Variants in RAP1B observed in about 807,000 individuals in gnomAD.
The protein encoded by RAP1B is ras-related protein Rap-1b.
RAP1B carries 1 observed loss-of-function variant against 27.5 expected under a neutral mutation model. The ratio of observed to expected loss-of-function variants is 0.04; its 90% CI spans 0.01 to 0.17. RAP1B has a LOEUF of 0.17. RAP1B is among the 10% of genes least tolerant of loss of function. The probability of loss-of-function intolerance (pLI) is 1.00; values close to 1 mark genes in which losing one functional copy is unlikely to be tolerated. For synonymous variants in RAP1B, 75 were observed against 73.1 expected (o/e 1.03, Z -0.13); for missense variants, 84 against 214.8 (o/e 0.39, Z 3.81).
intron 1 of RAP1B, chr12:68,643,016 G>A: frequency 1.3e-6 from 1 of 777,320 alleles, no homozygotes; most frequent in Non-Finnish European, 2.4e-6. Context: ...CACCGACCCT[G>A]GCTGCCCACG....
intron 2 of RAP1B, 82 bp downstream of exon 2, chr12:68,648,863 T>C (rs1051591025): frequency 3.1e-6 from 4 of 1,290,362 alleles, no homozygotes; most frequent in Admixed American, 2.6e-5. Flanking sequence ...TGATTTGTCT[T>C]TGTTAAGATA....
chr12:68,616,438 ATTTTTTTT>A (rs142174644), intron 1 of RAP1B, among the ~76,000 whole-genome samples: 2 of 89,450 alleles, frequency 2.2e-5, no homozygotes, highest in African/African-American at 1.0e-4. Flanking sequence ...TGCCTGGCTA[ATTTTTTTT>A]TTTTTTTTTT....
intron 1 of RAP1B, among the ~76,000 whole-genome samples, chr12:68,648,488 C>T (rs997120223): frequency 1.1e-4 from 17 of 152,150 alleles, no homozygotes; most frequent in African/African-American, 4.1e-4. Context: ...TGTGCTCTAT[C>T]CTGGATCGGG....
rs1165588245 is a variant in RAP1B, at chr12:68,662,566, T to C, written c.*3317T>C. On this transcript the variant is annotated 3_prime_UTR_variant, in exon 8 of 8. Transcript: ENST00000250559. ...AGAATCGAAACTCATCACTACAACTTTTCTTTGAGTTAAACTCTTATCTGT... is the reference window on the plus strand; with the variant it reads ...AGAATCGAAACTCATCACTACAACTCTTCTTTGAGTTAAACTCTTATCTGT... 2 of 152,134 alleles carry C rather than the reference T, an allele frequency of 1.3e-5. No individual in the cohort carries two copies. The highest frequency in any genetic ancestry group is 2.9e-5 in the Non-Finnish European group (2 of 68,026). The allele number at this position is 152,134 out of a possible 1,614,324, so 9.4% of individuals were successfully genotyped here. A position where few individuals can be genotyped will look rare whatever the true frequency, so the allele number is the denominator to read the frequency against.
At chr12:68,646,098 G>A (rs774331895) in intron 1 of RAP1B, among the ~76,000 whole-genome samples, 79 of 152,196 alleles carry the variant, frequency 5.2e-4, no homozygotes, top group Non-Finnish European at 8.8e-4. Flanking sequence ...ACTAAGAAGT[G>A]TAGCTCCCAC....
At chr12:68,659,257 AT>A (rs1353768113) in intron 7 of RAP1B, 22 bp from the exon 8 acceptor site, 7 of 456,370 alleles carry the variant, frequency 1.5e-5, no homozygotes. Flanking sequence ...CATGTTTTTA[AT>A]TAATTTTTTT....
In RAP1B at chr12:68,650,358, C is replaced by CT. The variant is rs892041760; in HGVS notation, c.58-38dup. 4 of 1,458,216 alleles carry CT rather than the reference C, an allele frequency of 2.7e-6. No individual in the cohort carries two copies. The Admixed American group carries it at 9.7e-5, about 35-fold the overall frequency. The allele number at this position is 1,458,216 out of a possible 1,614,324, so 90.3% of individuals were successfully genotyped here. A position where few individuals can be genotyped will look rare whatever the true frequency, so the allele number is the denominator to read the frequency against. Reference sequence around the variant, plus strand: ...AATTACATTAAAGATTGAATGTACTCTTTTCTTTAGAAGTATAATGGTTTC... The same window carrying CT: ...AATTACATTAAAGATTGAATGTACTCTTTTTCTTTAGAAGTATAATGGTTTC... On this transcript the variant is annotated intron_variant, in intron 2 of 7. Transcript: ENST00000250559.
intron 1 of RAP1B, among the ~76,000 whole-genome samples, chr12:68,614,298 A>C (rs1202679698): frequency 6.6e-6 from 1 of 152,192 alleles, no homozygotes; most frequent in South Asian, 2.1e-4. Flanking sequence ...AGTATTGTTT[A>C]AATAGGCTGT....
chr12:68,653,646 C>T (rs1873979247), intron 4 of RAP1B, among the ~76,000 whole-genome samples: 1 of 151,854 alleles, frequency 6.6e-6, no homozygotes, highest in Admixed American at 6.6e-5. Context: ...AACCTATTTC[C>T]AGCTGGGCGT....
intron 1 of RAP1B, among the ~76,000 whole-genome samples, chr12:68,612,542 G>C (rs1464154620): frequency 6.6e-6 from 1 of 152,190 alleles, no homozygotes; most frequent in Non-Finnish European, 1.5e-5. Flanking sequence ...TAGGACAGTA[G>C]TCTATCCGTA....
At chr12:68,651,616 A>G (rs1170197591) in intron 3 of RAP1B, 1 of 191,416 alleles carries the variant, frequency 5.2e-6, no homozygotes, top group African/African-American at 2.3e-5. Flanking sequence ...TATCTAAAGT[A>G]TCATGGGAGA....
intron 1 of RAP1B, among the ~76,000 whole-genome samples, chr12:68,641,319 T>C (rs759243283): frequency 1.6e-4 from 25 of 152,222 alleles, no homozygotes; most frequent in Non-Finnish European, 3.2e-4. Flanking sequence ...CTTCTTCCAC[T>C]TTCATTTCAA....
chr12:68,650,285 GTTTT>G, intron 2 of RAP1B, 111 bp from the exon 3 acceptor site: 1 of 907,132 alleles, frequency 1.1e-6, no homozygotes, highest in Non-Finnish European at 1.5e-6. Flanking sequence ...ATTGGCTGTG[GTTTT>G]TTTTTTCATT....
intron 1 of RAP1B, chr12:68,642,642 C>T: frequency 9.3e-7 from 1 of 1,072,276 alleles, no homozygotes; most frequent in Non-Finnish European, 1.5e-6. Flanking sequence ...TTCATCTTCT[C>T]CATCTGTTTC....
In RAP1B at chr12:68,664,592, C is replaced by G. The variant is rs780780451; in HGVS notation, c.*5343C>G. The G allele has an allele frequency of 1.3e-5, 2 of 152,040 alleles. No homozygotes were observed. Among genetic ancestry groups the G allele is most frequent in the Non-Finnish European group, 2.9e-5 (2 of 68,098 alleles). The allele number at this position is 152,040 out of a possible 1,614,324, so 9.4% of individuals were successfully genotyped here. ...GGCACGGTGGTGTGTGCCTGTAATC[C>G]CAGCTACTCAGGAGGCTGAGGCAGG... On this transcript the variant is annotated 3_prime_UTR_variant, in exon 8 of 8. Coordinates refer to ENST00000250559, the MANE Select transcript of RAP1B (RefSeq NM_001010942.3).
intron 1 of RAP1B, among the ~76,000 whole-genome samples, chr12:68,630,372 C>T (rs1872144930): frequency 6.6e-6 from 1 of 152,134 alleles, no homozygotes; most frequent in African/African-American, 2.4e-5. Context: ...TCCATTAAAA[C>T]TTTATGAGTG....
chr12:68,621,716 A>G (rs1489237382), intron 1 of RAP1B, among the ~76,000 whole-genome samples: 1 of 152,228 alleles, frequency 6.6e-6, no homozygotes, highest in Non-Finnish European at 1.5e-5. Context: ...GATAAACTCA[A>G]CATTGAAAAA....
At position 68,666,779 on chromosome 12, in the gene RAP1B, T is replaced by C. The variant is rs962473400; in HGVS notation, c.*7530T>C. On this transcript the variant is annotated 3_prime_UTR_variant, in exon 8 of 8. Transcript: ENST00000250559. The stretch of plus-strand genomic sequence containing the variant: ...AATTTTTCAGTACCAAAGACTAGTA[T>C]GGGTCTGCTCCAAGATAACTCAAAA... 36 of 152,220 alleles carry C rather than the reference T, an allele frequency of 2.4e-4. No homozygotes were observed. Among genetic ancestry groups the C allele is most frequent in the African/African-American group, 8.7e-4 (36 of 41,458 alleles). The allele number at this position is 152,220 out of a possible 1,614,324, so 9.4% of individuals were successfully genotyped here.
intron 1 of RAP1B, among the ~76,000 whole-genome samples, chr12:68,613,880 C>T (rs914432709): frequency 6.6e-6 from 1 of 152,154 alleles, no homozygotes; most frequent in East Asian, 1.9e-4. Context: ...AATTAATTTT[C>T]GTTTTATCCT....
Sources: allele counts gnomAD v4.1 joint callset (sites outside exome capture counted in the v4.1 genomes callset), GRCh38; gene constraint gnomAD v4.1.1; transcripts MANE v1.5; gene names NCBI Gene and HGNC (gene_info 2026-07-23, HGNC 2026-07-21).